The following NWD2 variants were observed in gnomAD, a reference collection of about 807,000 sequenced individuals.
NWD2 encodes the protein NACHT and WD repeat domain-containing protein 2.
NWD2 carries 37 observed loss-of-function variants against 132.7 expected under a neutral mutation model. The ratio of observed to expected loss-of-function variants is 0.28; its 90% CI spans 0.21 to 0.37. The LOEUF is 0.37. Among genes scored for constraint, NWD2 ranks in the 10% least tolerant of loss-of-function variants. The probability of loss-of-function intolerance (pLI) is 1.00; values close to 1 mark genes in which losing one functional copy is unlikely to be tolerated. For missense variants in NWD2, 1,592 were observed against 2,122.4 expected (o/e 0.75, Z 4.91); for synonymous variants, 705 against 803.0 (o/e 0.88, Z 2.06).
chr4:37,273,649 C>T (rs1426360275), intron 1 of NWD2, among the ~76,000 whole-genome samples: 3 of 152,140 alleles, frequency 2.0e-5, no homozygotes, highest in Non-Finnish European at 2.9e-5. Context: ...CACCACATCG[C>T]ACTTATTCCA....
At chr4:37,374,319 G>A (rs1372743437) in intron 3 of NWD2, among the ~76,000 whole-genome samples, 1 of 152,144 alleles carries the variant, frequency 6.6e-6, no homozygotes, top group African/African-American at 2.4e-5. Flanking sequence ...AGAAGCAGAT[G>A]CTGATGCCAT....
At position 37,356,479 on chromosome 4, in the gene NWD2, T is replaced by G; in HGVS notation, c.354T>G (p.Phe118Leu). 2 of 1,534,422 alleles carry G rather than the reference T, an allele frequency of 1.3e-6. No homozygotes were observed. The highest frequency in any genetic ancestry group is 1.8e-6 in the Non-Finnish European group (2 of 1,131,522). Reference sequence around the variant, plus strand: ...TGAAAACTTCTGCAGGTCCATGTTTTGTTGTGGGTATAAAAAAACTAATGC... The same window carrying G: ...TGAAAACTTCTGCAGGTCCATGTTTGGTTGTGGGTATAAAAAAACTAATGC... The part of the protein sequence containing the change: ...NCLKTSAGPC[F>L]VGLLGEKYGN... Residue 118 changes from phenylalanine to leucine, a missense_variant, in exon 3 of 7, where the codon TTT becomes TTG. Physicochemically the swap from Phe to Leu is conservative, Grantham distance 22. This residue lies in a region of NWD2 where 144 missense variants were observed against 185.7 expected (regional missense o/e 0.78). Transcript: ENST00000309447.
intron 3 of NWD2, among the ~76,000 whole-genome samples, chr4:37,363,797 C>T (rs192382913): frequency 5.9e-4 from 89 of 152,044 alleles, no homozygotes; most frequent in African/African-American, 2.1e-3. Flanking sequence ...GTATGTATGC[C>T]CTGAATCTAA....
At chr4:37,294,492 G>A in intron 1 of NWD2, among the ~76,000 whole-genome samples, 1 of 152,128 alleles carries the variant, frequency 6.6e-6, no homozygotes, top group East Asian at 1.9e-4. Context: ...GACCCCAAAT[G>A]TCCATCTCAC....
chr4:37,443,268 C>G lies in NWD2; in HGVS notation c.1297-17C>G, dbSNP rs759862811. The G allele has an allele frequency of 2.2e-5, 34 of 1,540,888 alleles. No homozygotes were observed. The highest frequency in any genetic ancestry group is 3.0e-5 in the Non-Finnish European group (34 of 1,138,992). On this transcript the variant is annotated splice_polypyrimidine_tract_variant and intron_variant, in intron 6 of 6. Coordinates refer to ENST00000309447, the MANE Select transcript of NWD2 (RefSeq NM_001144990.2). This position sits in a 1 kb window ranked among gnomAD's most constrained non-coding sequence, Gnocchi z 4.1. ...TGAATACATATTACCATTCTAAACT[C>G]CACTTTTGTGTTTCAGGCTTATGGC...
Position 37,439,134 on chromosome 4 carries a change from A to C in NWD2, c.1040A>C (p.Tyr347Ser). 1 of 1,551,730 alleles carries C rather than the reference A, an allele frequency of 6.4e-7. No individual in the cohort carries two copies. Among genetic ancestry groups the C allele is most frequent in the East Asian group, 2.4e-5 (1 of 40,910 alleles). ...HYIEGLGKQF[Y>S]EDMIDIIQAT... Reference sequence around the variant, plus strand: ...ATCGAAGGACTTGGTAAACAATTTTATGAGGACATGATTGATATAATTCAG... The same window carrying C: ...ATCGAAGGACTTGGTAAACAATTTTCTGAGGACATGATTGATATAATTCAG... Residue 347 changes from tyrosine to serine, a missense_variant, in exon 6 of 7, where the codon TAT becomes TCT. Physicochemically the swap from Tyr to Ser is moderately radical, Grantham distance 144. Transcript: ENST00000309447. This position sits in a 1 kb window ranked among gnomAD's most constrained non-coding sequence, Gnocchi z 4.5.
chr4:37,352,646 T>A (rs1719793389), intron 2 of NWD2, among the ~76,000 whole-genome samples: 1 of 152,212 alleles, frequency 6.6e-6, no homozygotes, highest in South Asian at 2.1e-4. Context: ...TCTTTGTTGG[T>A]TTAAAGTCTG....
At chr4:37,392,469 C>T (rs115724864) in intron 3 of NWD2, among the ~76,000 whole-genome samples, 4,362 of 152,240 alleles carry the variant, frequency 0.029, 66 homozygotes, top group Non-Finnish European at 0.043. Flanking sequence ...AGCAGCATCT[C>T]ATGGTGTCTA....
At chr4:37,411,846 A>C (rs1221557175) in intron 3 of NWD2, among the ~76,000 whole-genome samples, 5 of 152,220 alleles carry the variant, frequency 3.3e-5, no homozygotes, top group African/African-American at 1.2e-4. Flanking sequence ...GAATCAATAA[A>C]CATAATCTAT....
intron 1 of NWD2, among the ~76,000 whole-genome samples, chr4:37,251,648 T>G (rs560158607): frequency 1.3e-5 from 2 of 152,328 alleles, no homozygotes; most frequent in South Asian, 4.1e-4. Flanking sequence ...GTGAAGGAAC[T>G]TTGTTCTCCA....
At chr4:37,327,262 A>G (rs935955525) in intron 2 of NWD2, among the ~76,000 whole-genome samples, 11 of 152,172 alleles carry the variant, frequency 7.2e-5, no homozygotes, top group African/African-American at 2.7e-4. Context: ...AGGGGAAGTC[A>G]GTGAGCTATA....
At chr4:37,386,665 G>A (rs1481792159) in intron 3 of NWD2, among the ~76,000 whole-genome samples, 1 of 152,074 alleles carries the variant, frequency 6.6e-6, no homozygotes, top group African/African-American at 2.4e-5. Flanking sequence ...TTGTAAACCT[G>A]CTTTTTCCCT....
At chr4:37,327,453 G>A (rs1719197292) in intron 2 of NWD2, among the ~76,000 whole-genome samples, 1 of 152,164 alleles carries the variant, frequency 6.6e-6, no homozygotes, top group Non-Finnish European at 1.5e-5. Context: ...TGAATCAGCT[G>A]AGGAGATGTT....
intron 1 of NWD2, among the ~76,000 whole-genome samples, chr4:37,297,030 A>G (rs1233559700): frequency 1.3e-5 from 2 of 152,040 alleles, no homozygotes; most frequent in Admixed American, 1.3e-4. Context: ...AGTAAAAAGA[A>G]TTCCTGTACA....
chr4:37,316,541 C>T (rs562953316), intron 1 of NWD2, among the ~76,000 whole-genome samples: 35 of 151,984 alleles, frequency 2.3e-4, no homozygotes, highest in East Asian at 7.7e-4. Flanking sequence ...GGGACATTTT[C>T]GTGATTATTT....
At chr4:37,428,158 A>T (rs1560253388) in intron 3 of NWD2, among the ~76,000 whole-genome samples, 1 of 152,208 alleles carries the variant, frequency 6.6e-6, no homozygotes, top group Non-Finnish European at 1.5e-5. Flanking sequence ...TCTACCAAGG[A>T]CTTCTCTTAA....
At chr4:37,298,572 G>T (rs1273290664) in intron 1 of NWD2, among the ~76,000 whole-genome samples, 2 of 152,116 alleles carry the variant, frequency 1.3e-5, no homozygotes, top group Non-Finnish European at 2.9e-5. Context: ...GGGTAGGGTA[G>T]AGAGGTGAGT....
chr4:37,423,638 A>G (rs1037666318), intron 3 of NWD2, among the ~76,000 whole-genome samples: 4 of 152,188 alleles, frequency 2.6e-5, no homozygotes, highest in Non-Finnish European at 5.9e-5. Context: ...CCCTCAATGG[A>G]TTGCATGGTG....
intron 2 of NWD2, among the ~76,000 whole-genome samples, chr4:37,335,543 C>A (rs1719389737): frequency 6.6e-6 from 1 of 151,988 alleles, no homozygotes; most frequent in Non-Finnish European, 1.5e-5. Context: ...AGCAGAGGTC[C>A]CCAACTCCTG....
Sources: gnomAD v4.1 joint callset for allele counts (sites outside exome capture counted in the v4.1 genomes callset) on GRCh38, gnomAD v4.1.1 for gene constraint, gnomAD v4.1.1 regional missense constraint, Gnocchi (gnomAD v3.1) non-coding constraint, MANE v1.5 for transcripts, NCBI Gene and HGNC (gene_info 2026-07-23, HGNC 2026-07-21) for gene names.